Variants in SAFB2 observed in about 807,000 individuals in gnomAD.
SAFB2 encodes scaffold attachment factor B2.
Under a neutral mutation model 100.6 loss-of-function variants are expected in SAFB2, and 32 were observed. That is an observed-to-expected ratio of 0.32 (90% CI 0.24 to 0.43). SAFB2 has a LOEUF of 0.43. SAFB2 is among the 20% of genes least tolerant of loss of function. SAFB2 has a pLI of 1.00. For synonymous variants in SAFB2, 500 were observed against 439.4 expected, an observed-to-expected ratio of 1.14 and a Z score of -1.72; for missense variants, 1,185 against 1,163.4, an observed-to-expected ratio of 1.02 and a Z score of -0.27.
chr19:5,587,914 A>T lies in SAFB2; in HGVS notation c.2592T>A (p.Gly864=). ...LEEHQARAWQ[G]AMDAGAASRE... ...GGCTAGCCGCGCCTGCGTCCATGGC[A>T]CCCTGCCAGGCGCGTGCCTGGTGCT... is the stretch of plus-strand genomic sequence containing the variant. Residue 864 remains glycine (G), a synonymous_variant, in exon 19 of 21, where the codon GGT becomes GGA. Coordinates refer to ENST00000252542, the MANE Select transcript of SAFB2 (RefSeq NM_014649.3). The surrounding 1 kb of genome is among the most constrained non-coding windows in gnomAD (Gnocchi z 4.9). 1 of 1,612,492 alleles carries T rather than the reference A, an allele frequency of 6.2e-7. No individual in the cohort carries two copies. Among genetic ancestry groups the T allele is most frequent in the Non-Finnish European group, 8.5e-7 (1 of 1,179,780 alleles).
In SAFB2 at chr19:5,620,975, C is replaced by G. The variant is rs986400691; in HGVS notation, c.274+334G>C. 6.6e-5 allele frequency among the ~76,000 whole-genome samples: 10 copies of G among 152,216 alleles called. No homozygotes were observed. In the East Asian group the frequency reaches 1.5e-3, roughly 23 times the overall value. ...TTGGGTTAAGACCTATTTTTTGAAC[C>G]AGGAAGGAAGCCAAGTAGGTACATT... On this transcript the variant is annotated intron_variant, in intron 2 of 20. Coordinates refer to ENST00000252542, the MANE Select transcript of SAFB2 (RefSeq NM_014649.3).
At chr19:5,618,828 T>C (rs896525102) in intron 2 of SAFB2, among the ~76,000 whole-genome samples, 12 of 152,262 alleles carry the variant, frequency 7.9e-5, no homozygotes, top group African/African-American at 2.9e-4. Context: ...AAGCTGCCGC[T>C]GCTGGGGACA....
chr19:5,611,773 C>T (rs1256339708), intron 6 of SAFB2, 143 bp from the exon 7 acceptor site: 10 of 552,206 alleles, frequency 1.8e-5, no homozygotes, highest in Non-Finnish European at 3.0e-5. Flanking sequence ...CGCGGGTACA[C>T]AAAGTTATAC....
chr19:5,600,135 T>C lies in SAFB2; in HGVS notation c.1685A>G (p.Lys562Arg), dbSNP rs779941296. ...TCTTAAAAGGCTCTCCTCACCTGAT[T>C]TGGTGACTCTAGACCGATTTGTAGG... Reference protein sequence around the residue: ...PGPTNRSRVTKSGSRGMERTV... With the variant: ...PGPTNRSRVTRSGSRGMERTV... Residue 562 changes from lysine to arginine, a missense_variant, in exon 12 of 21, where the codon AAA (lysine) becomes AGA (arginine). Coordinates refer to ENST00000252542, the MANE Select transcript of SAFB2 (RefSeq NM_014649.3). The C allele has an allele frequency of 1.2e-6, 2 of 1,611,498 alleles. No homozygotes were observed. Among genetic ancestry groups the C allele is most frequent in the Non-Finnish European group, 8.5e-7 (1 of 1,179,354 alleles).
chr19:5,594,288 A>C, intron 14 of SAFB2, 110 bp from the exon 15 acceptor site: 8 of 1,319,906 alleles, frequency 6.1e-6, no homozygotes, highest in Non-Finnish European at 7.0e-6. Flanking sequence ...AATGGATCCA[A>C]AAGCTCACCG....
At position 5,605,261 on chromosome 19, in the gene SAFB2, C is replaced by T. The variant is rs558472954; in HGVS notation, c.1297-325G>A. 3.3e-5 allele frequency among the ~76,000 whole-genome samples: 5 copies of T among 152,038 alleles called. No homozygotes were observed. In the East Asian group the frequency reaches 5.8e-4, roughly 18 times the overall value. On this transcript the variant is annotated intron_variant, in intron 9 of 20. Transcript: ENST00000252542. The stretch of plus-strand genomic sequence containing the variant: ...CTGGGATTACAGGCGCCCGCCACCA[C>T]GCCTGGCTAATTTTTGTGTTTTTAG...
chr19:5,602,542 T>C (rs1486150169), intron 11 of SAFB2, among the ~76,000 whole-genome samples: 1 of 141,454 alleles, frequency 7.1e-6, no homozygotes, highest in African/African-American at 2.6e-5. Context: ...GCCATGGGGC[T>C]CCGAGCAAAC....
intron 11 of SAFB2, among the ~76,000 whole-genome samples, chr19:5,602,478 T>TAA (rs2052680742): frequency 4.5e-5 from 1 of 22,022 alleles, no homozygotes; most frequent in Non-Finnish European, 7.8e-5. Flanking sequence ...AGACTCTGTC[T>TAA]CAAAAAAAAA....
Position 5,594,196 on chromosome 19 carries a change from G to T in SAFB2, c.1920-18C>A. 1 of 1,571,320 alleles carries T rather than the reference G, an allele frequency of 6.4e-7. No homozygotes were observed. Among genetic ancestry groups the T allele is most frequent in the Admixed American group, 1.8e-5 (1 of 56,966 alleles). On this transcript the variant is annotated intron_variant, in intron 14 of 20. Coordinates refer to ENST00000252542, the MANE Select transcript of SAFB2 (RefSeq NM_014649.3). ...CGCGCTCCCTGCGGGGACAGGTGAG[G>T]CTGCCCTGAACTCCCTGCGTGAGCC...
chr19:5,611,555 T>A lies in SAFB2; in HGVS notation c.710A>T (p.Glu237Val), dbSNP rs1247511770. The A allele has an allele frequency of 2.1e-6, 1 of 484,576 alleles. No homozygotes were observed. The highest frequency in any genetic ancestry group is 4.0e-5 in the African/African-American group (1 of 24,914). 30.0% of individuals were successfully genotyped at this position (484,576 alleles called of 1,614,324 possible). The change falls in exon 7 of 21, where the codon GAG (glutamate) becomes GTG (valine). Residue 237 changes from glutamate to valine, a missense_variant. By Grantham distance (121) the Glu-to-Val change is moderately radical (BLOSUM62 -2). Coordinates refer to ENST00000252542, the MANE Select transcript of SAFB2 (RefSeq NM_014649.3). ...ACTTGTGTCCTGTGCAAATGGCTGC[T>A]CCAGCTCGGAACTTTCTTCTTTTAC... ...EPVKEESSEL[E>V]QPFAQDTSSV...
chr19:5,597,994 G>T (rs1364048920), intron 13 of SAFB2, among the ~76,000 whole-genome samples: 1 of 151,954 alleles, frequency 6.6e-6, no homozygotes, highest in Non-Finnish European at 1.5e-5. Flanking sequence ...GCCTGGTGTG[G>T]TGATGTGTGC....
rs528642152 is a variant in SAFB2, at chr19:5,590,751, AG to A, written c.2395-344del. On this transcript the variant is annotated intron_variant, in intron 17 of 20. Transcript: ENST00000252542. ...TGGGCGCCGCCTCCTTTCCGATAAC[AG>A]GAGGGCCCTCGGGTGGGTCAGCCCC... Among the ~76,000 whole-genome samples, 214 of 151,872 alleles carry A rather than the reference AG, an allele frequency of 1.4e-3. 1 individual carries two copies. Among genetic ancestry groups the A allele is most frequent in the African/African-American group, 5.0e-3 (208 of 41,292 alleles).
intron 11 of SAFB2, among the ~76,000 whole-genome samples, chr19:5,601,649 T>C (rs900763110): frequency 6.6e-6 from 1 of 151,610 alleles, no homozygotes; most frequent in African/African-American, 2.4e-5. Context: ...GAGGTGGAGG[T>C]TGCAGTCAGC....
At position 5,609,979 on chromosome 19, in the gene SAFB2, G is replaced by A; in HGVS notation, c.1296+16C>T. On this transcript the variant is annotated intron_variant, in intron 9 of 20. Transcript: ENST00000252542. ...TCTGAATCACAGTGGATGGTATGAG[G>A]CAAGGGAAGGCATACCTTCCCATAC... 1.2e-6 allele frequency: 2 copies of A among 1,604,742 alleles called. No individual in the cohort carries two copies. Among genetic ancestry groups the A allele is most frequent in the Non-Finnish European group, 1.7e-6 (2 of 1,172,234 alleles).
At chr19:5,609,101 A>C (rs80157651) in intron 9 of SAFB2, among the ~76,000 whole-genome samples, 72 of 150,122 alleles carry the variant, frequency 4.8e-4, no homozygotes, top group African/African-American at 1.7e-3. Context: ...AAAAAAGAAG[A>C]CTCTTAATTA....
At position 5,622,566 on chromosome 19, in the gene SAFB2, G is replaced by A. The variant is rs774402147; in HGVS notation, c.150C>T (p.Gly50=). 2 of 1,613,270 alleles carry A rather than the reference G, an allele frequency of 1.2e-6. No individual in the cohort carries two copies. Among genetic ancestry groups the A allele is most frequent in the South Asian group, 1.1e-5 (1 of 91,046 alleles). The change falls in exon 1 of 21, where the codon GGC becomes GGT. Residue 50 remains glycine (G), a synonymous_variant. Coordinates refer to ENST00000252542, the MANE Select transcript of SAFB2 (RefSeq NM_014649.3). ...AELKKRNLDT[G]GNKSVLMERL... ...GCTCCATCAGGACGCTCTTGTTGCC[G>A]CCCGTGTCCAGGTTCCGCTTCTTCA... is the stretch of plus-strand genomic sequence containing the variant.
intron 9 of SAFB2, among the ~76,000 whole-genome samples, chr19:5,605,433 T>C (rs2052755190): frequency 6.6e-6 from 1 of 152,102 alleles, no homozygotes; most frequent in Non-Finnish European, 1.5e-5. Flanking sequence ...TAATACAAGA[T>C]AAGTCATCAC....
At position 5,587,755 on chromosome 19, in the gene SAFB2, C is replaced by T. The variant is rs773056158; in HGVS notation, c.2651G>A (p.Gly884Asp). The T allele has an allele frequency of 1.9e-6, 3 of 1,552,326 alleles. No individual in the cohort carries two copies. Among genetic ancestry groups the T allele is most frequent in the Admixed American group, 3.9e-5 (2 of 51,044 alleles). The change falls in exon 20 of 21, where the codon GGC becomes GAC. Residue 884 changes from glycine (G) to aspartate (D), a missense_variant. Physicochemically the swap from Gly to Asp is moderately conservative, Grantham distance 94. This residue lies in a region of SAFB2 where 740 missense variants were observed against 687.1 expected (regional missense o/e 1.08). Transcript: ENST00000252542. The surrounding 1 kb of genome is among the most constrained non-coding windows in gnomAD (Gnocchi z 4.9). ...CCCCGGCCCCGAGGGCCCAGACAGG[C>T]CCCTCTCGCCACCTAGAAGAGAAGA... ...EHARWQGGER[G>D]LSGPSGPGHM...
rs530701882 is a variant in SAFB2 at position 5,610,189 on chromosome 19, G to A, written c.1196-94C>T. On this transcript the variant is annotated intron_variant, in intron 8 of 20. Transcript: ENST00000252542. ...CGCAGCCCTCTTTAAAAACCCTAAC[G>A]ACGCCCAATCCCAACTGCTGACTTA... 9.9e-5 allele frequency: 95 copies of A among 963,510 alleles called. No homozygotes were observed. In the Admixed American group the frequency reaches 1.7e-3, roughly 17 times the overall value. 59.7% of individuals were successfully genotyped at this position (963,510 alleles called of 1,614,324 possible). A position where few individuals can be genotyped will look rare whatever the true frequency, so the allele number is the denominator to read the frequency against.
Sources: gnomAD v4.1 joint callset for allele counts (sites outside exome capture counted in the v4.1 genomes callset) on GRCh38, gnomAD v4.1.1 for gene constraint, gnomAD v4.1.1 regional missense constraint, Gnocchi (gnomAD v3.1) non-coding constraint, MANE v1.5 for transcripts, NCBI Gene and HGNC (gene_info 2026-07-23, HGNC 2026-07-21) for gene names.